SH3BGR: variants seen among roughly 807,000 people sequenced by gnomAD.
SH3BGR encodes the protein SH3 domain-binding glutamic acid-rich protein.
In SH3BGR, 29 loss-of-function variants were observed where a neutral mutation model predicts 24.5. The observed-to-expected ratio is 1.18, with a 90% CI of 0.88 to 1.61. SH3BGR has a LOEUF of 1.61. Among genes scored for constraint, SH3BGR ranks in the 40% most tolerant of loss-of-function variants. The pLI is 0.00. For missense variants in SH3BGR, 162 were observed against 205.8 expected, an observed-to-expected ratio of 0.79 and a Z score of 1.30; for synonymous variants, 55 against 65.7, an observed-to-expected ratio of 0.84 and a Z score of 0.79.
intron 3 of SH3BGR, chr21:39,488,693 T>C: frequency 2.3e-6 from 1 of 430,904 alleles, no homozygotes; most frequent in Non-Finnish European, 4.7e-6. Context: ...CTTGTCATAC[T>C]GGGTGGGAAG....
At chr21:39,495,167 C>T (rs1415507725) in intron 3 of SH3BGR, among the ~76,000 whole-genome samples, 1 of 152,110 alleles carries the variant, frequency 6.6e-6, no homozygotes, top group Non-Finnish European at 1.5e-5. Context: ...CTGCAAATTC[C>T]AGCATCCAGG....
chr21:39,451,778 C>A (rs760086670), upstream of SH3BGR: 6 of 1,104,740 alleles, frequency 5.4e-6, no homozygotes, highest in Non-Finnish European at 7.9e-6. Context: ...CACAGCCTGG[C>A]CTTTTAGGGA....
chr21:39,488,188 G>A (rs1214263541), intron 3 of SH3BGR: 1 of 152,260 alleles, frequency 6.6e-6, no homozygotes, highest in Non-Finnish European at 1.5e-5. Flanking sequence ...TATGGCCTCA[G>A]TTCTTTAAGC....
chr21:39,451,304 A>C (rs1418178930), upstream of SH3BGR, among the ~76,000 whole-genome samples: 1 of 152,186 alleles, frequency 6.6e-6, no homozygotes, highest in African/African-American at 2.4e-5. Flanking sequence ...CAAGTAAATA[A>C]AATAGTGAGA....
chr21:39,474,532 C>G (rs975694872), intron 2 of SH3BGR, among the ~76,000 whole-genome samples: 6 of 152,170 alleles, frequency 3.9e-5, no homozygotes, highest in African/African-American at 4.8e-5. Context: ...GCTGGACCTG[C>G]CTGGTGAAGG....
chr21:39,467,191 G>A (rs2077857676), intron 2 of SH3BGR, among the ~76,000 whole-genome samples: 1 of 151,876 alleles, frequency 6.6e-6, no homozygotes, highest in Non-Finnish European at 1.5e-5. Context: ...AATTACTACA[G>A]TTATTTTCTG....
rs545120821 is a variant in SH3BGR at position 39,511,868 on chromosome 21, G to T, written c.*34+59G>T. 67 of 1,465,838 alleles carry T rather than the reference G, an allele frequency of 4.6e-5. No homozygotes were observed. Among genetic ancestry groups the T allele is most frequent in the Admixed American group, 7.3e-5 (3 of 40,940 alleles). 90.8% of individuals were successfully genotyped at this position (1,465,838 alleles called of 1,614,324 possible). A position where few individuals can be genotyped will look rare whatever the true frequency, so the allele number is the denominator to read the frequency against. On this transcript the variant is annotated intron_variant, in intron 6 of 6. Transcript: ENST00000333634. This position sits in a 1 kb window ranked among gnomAD's most constrained non-coding sequence, Gnocchi z 4.2. ...AGTTACCGTACTGTATGCTATCTGC[G>T]GCACATTTTGCTTAGTAACAGGAGA...
At chr21:39,481,279 A>G (rs76323429) in intron 3 of SH3BGR, among the ~76,000 whole-genome samples, 1 of 152,346 alleles carries the variant, frequency 6.6e-6, no homozygotes, top group African/African-American at 2.4e-5. Flanking sequence ...TGCCTGGGCA[A>G]CATAGTGAGA....
At chr21:39,471,288 T>G (rs1345685706) in intron 2 of SH3BGR, among the ~76,000 whole-genome samples, 1 of 152,106 alleles carries the variant, frequency 6.6e-6, no homozygotes, top group Non-Finnish European at 1.5e-5. Flanking sequence ...GTCTAGAAAA[T>G]TATTAGTAAT....
At chr21:39,474,140 G>A (rs958490683) in intron 2 of SH3BGR, among the ~76,000 whole-genome samples, 2 of 151,958 alleles carry the variant, frequency 1.3e-5, no homozygotes, top group Non-Finnish European at 2.9e-5. Context: ...GCTAATTTTT[G>A]TATTTTTTGT....
intron 3 of SH3BGR, among the ~76,000 whole-genome samples, chr21:39,480,070 CCT>C (rs1479449069): frequency 3.9e-5 from 6 of 152,106 alleles, no homozygotes; most frequent in African/African-American, 9.7e-5. Context: ...ACTATCATCC[CCT>C]GTTATTCCAT....
chr21:39,467,837 A>G (rs1171701062), intron 2 of SH3BGR, among the ~76,000 whole-genome samples: 1 of 152,198 alleles, frequency 6.6e-6, no homozygotes, highest in African/African-American at 2.4e-5. Flanking sequence ...TGCCCCTGCC[A>G]GTTTGAACTT....
intron 3 of SH3BGR, among the ~76,000 whole-genome samples, chr21:39,494,602 T>C (rs1023337012): frequency 6.6e-6 from 1 of 152,022 alleles, no homozygotes; most frequent in African/African-American, 2.4e-5. Flanking sequence ...CTGTAGATAG[T>C]GTATGATTTT....
At chr21:39,474,284 C>T (rs1454039998) in intron 2 of SH3BGR, among the ~76,000 whole-genome samples, 1 of 152,094 alleles carries the variant, frequency 6.6e-6, no homozygotes, top group Admixed American at 6.6e-5. Context: ...GCTTTTTGAA[C>T]ATACACTAAG....
At chr21:39,450,692 A>G (rs529072673), upstream of SH3BGR, among the ~76,000 whole-genome samples, 3 of 152,332 alleles carry the variant, frequency 2.0e-5, no homozygotes, top group East Asian at 5.8e-4. Context: ...CTTTGTCCCT[A>G]ATGCCCTTGA....
intron 2 of SH3BGR, among the ~76,000 whole-genome samples, chr21:39,472,053 TCTCA>T (rs1051388034): frequency 1.3e-5 from 2 of 152,242 alleles, no homozygotes; most frequent in African/African-American, 2.4e-5. Context: ...TTCTTCATGC[TCTCA>T]CTATGTTTTC....
intron 3 of SH3BGR, among the ~76,000 whole-genome samples, chr21:39,489,943 C>G (rs1381106953): frequency 6.6e-6 from 1 of 151,976 alleles, no homozygotes; most frequent in African/African-American, 2.4e-5. Flanking sequence ...GTGGATGGAA[C>G]TATGTGAGAA....
chr21:39,492,492 A>C (rs1817973695), intron 3 of SH3BGR, among the ~76,000 whole-genome samples: 3 of 149,078 alleles, frequency 2.0e-5, no homozygotes, highest in Admixed American at 2.0e-4. Context: ...ACACACACAC[A>C]CACACACCAC....
chr21:39,505,813 T>A (rs990122090), intron 4 of SH3BGR, among the ~76,000 whole-genome samples: 1 of 152,164 alleles, frequency 6.6e-6, no homozygotes, highest in Admixed American at 6.5e-5. Context: ...TAGCTAACTA[T>A]AAAAGTTGAG....
Sources: gnomAD v4.1 joint callset for allele counts (sites outside exome capture counted in the v4.1 genomes callset) on GRCh38, gnomAD v4.1.1 for gene constraint, Gnocchi (gnomAD v3.1) non-coding constraint, MANE v1.5 for transcripts, NCBI Gene and HGNC (gene_info 2026-07-23, HGNC 2026-07-21) for gene names.